ARID1B: variants seen among roughly 807,000 people sequenced by gnomAD.
ARID1B encodes the protein AT-rich interactive domain-containing protein 1B.
In ARID1B, 30 loss-of-function variants were observed where a neutral mutation model predicts 212.3. The ratio of observed to expected loss-of-function variants is 0.14; its 90% CI spans 0.11 to 0.19. The LOEUF is 0.19. Ranked by LOEUF, ARID1B falls within the 10% of genes least tolerant of loss-of-function variation. ARID1B has a pLI of 1.00. For missense variants in ARID1B, 2,891 were observed against 3,204.0 expected (o/e 0.90, Z 2.36); for synonymous variants, 1,402 against 1,301.7 (o/e 1.08, Z -1.66).
At chr6:157,176,999 C>T (rs973886407) in intron 11 of ARID1B, among the ~76,000 whole-genome samples, 2 of 152,194 alleles carry the variant, frequency 1.3e-5, no homozygotes, top group African/African-American at 4.8e-5. Flanking sequence ...TTAAGATTAT[C>T]TCCATCCACT....
intron 2 of ARID1B, among the ~76,000 whole-genome samples, chr6:156,841,291 G>A (rs1457792013): frequency 2.0e-5 from 3 of 150,956 alleles, no homozygotes; most frequent in Admixed American, 6.6e-5. Context: ...ACACTGCATC[G>A]TAGCCCATTT....
chr6:156,787,639 A>T (rs1779735539), intron 1 of ARID1B, among the ~76,000 whole-genome samples: 1 of 152,154 alleles, frequency 6.6e-6, no homozygotes, highest in Admixed American at 6.5e-5. Context: ...ACTCTAACTA[A>T]TGAATTATAA....
chr6:157,119,103 C>T (rs931818296), intron 6 of ARID1B, among the ~76,000 whole-genome samples: 10 of 152,254 alleles, frequency 6.6e-5, no homozygotes, highest in South Asian at 2.1e-4. Flanking sequence ...ATCCTTGATG[C>T]GTTTTTCTCC....
intron 4 of ARID1B, among the ~76,000 whole-genome samples, chr6:157,067,098 A>C (rs1562591104): frequency 6.6e-6 from 1 of 152,146 alleles, no homozygotes; most frequent in Non-Finnish European, 1.5e-5. Context: ...ATTTATTCTC[A>C]CTGTTTGCCA....
intron 11 of ARID1B, among the ~76,000 whole-genome samples, chr6:157,178,375 G>A (rs1792257352): frequency 6.6e-6 from 1 of 152,312 alleles, no homozygotes; most frequent in South Asian, 2.1e-4. Context: ...TTAGGATCTA[G>A]TCGGAAAAGT....
At chr6:156,969,968 A>C (rs770067252) in intron 4 of ARID1B, among the ~76,000 whole-genome samples, 1 of 150,104 alleles carries the variant, frequency 6.7e-6, no homozygotes, top group African/African-American at 2.4e-5. Context: ...CTTGAAAATT[A>C]ATGTTTACCT....
At position 157,207,113 on chromosome 6, in the gene ARID1B, C is replaced by T. The variant is rs763660892; in HGVS notation, c.6341C>T (p.Ala2114Val). 1.9e-6 allele frequency: 3 copies of T among 1,614,204 alleles called. No homozygotes were observed. The highest frequency in any genetic ancestry group is 2.2e-5 in the South Asian group (2 of 91,086). Reference sequence around the variant, plus strand: ...CACGAGCATCCAGAGAGAAAGCGAGCACCGCAGACCTATGAGAAAGAGGAG... The same window carrying T: ...CACGAGCATCCAGAGAGAAAGCGAGTACCGCAGACCTATGAGAAAGAGGAG... ...LHHEHPERKRAPQTYEKEEDE... is the reference protein window; with the variant it reads ...LHHEHPERKRVPQTYEKEEDE... The change falls in exon 20 of 20, where the codon GCA becomes GTA. Residue 2114 changes from alanine to valine, a missense_variant. Coordinates refer to ENST00000636930, the MANE Select transcript of ARID1B (RefSeq NM_001374828.1). The surrounding 1 kb of genome is among the most constrained non-coding windows in gnomAD (Gnocchi z 8.5).
At chr6:157,095,858 A>AG (rs1785585118) in intron 5 of ARID1B, among the ~76,000 whole-genome samples, 1 of 151,602 alleles carries the variant, frequency 6.6e-6, no homozygotes, top group African/African-American at 2.4e-5. Context: ...AAGGCAAAAA[A>AG]AAGTATCACA....
intron 1 of ARID1B, among the ~76,000 whole-genome samples, chr6:156,808,755 ATTTG>A (rs1464375379): frequency 2.0e-5 from 3 of 152,146 alleles, no homozygotes; most frequent in Non-Finnish European, 4.4e-5. Context: ...CACATTCTTT[ATTTG>A]TTCATTTGGT....
At chr6:156,923,830 C>T (rs760322383) in intron 3 of ARID1B, among the ~76,000 whole-genome samples, 1 of 151,922 alleles carries the variant, frequency 6.6e-6, no homozygotes, top group African/African-American at 2.4e-5. Flanking sequence ...GCCTCAGCCT[C>T]CCAAGTAGCT....
At chr6:157,055,116 C>A (rs1782866427) in intron 4 of ARID1B, among the ~76,000 whole-genome samples, 1 of 152,226 alleles carries the variant, frequency 6.6e-6, no homozygotes, top group African/African-American at 2.4e-5. Flanking sequence ...CCAGCAGATA[C>A]CTCAGGTGGA....
chr6:157,160,618 T>C (rs993541388), intron 8 of ARID1B, among the ~76,000 whole-genome samples: 5 of 152,224 alleles, frequency 3.3e-5, no homozygotes, highest in African/African-American at 1.2e-4. Flanking sequence ...AAACATATTT[T>C]AATGCCATTG....
At chr6:156,912,331 C>T (rs1253693930) in intron 3 of ARID1B, among the ~76,000 whole-genome samples, 1 of 148,870 alleles carries the variant, frequency 6.7e-6, no homozygotes, top group Non-Finnish European at 1.5e-5. Context: ...AACTAAAATT[C>T]CAAGCCCATC....
intron 17 of ARID1B, among the ~76,000 whole-genome samples, chr6:157,199,221 A>G (rs1341016768): frequency 6.6e-6 from 1 of 152,244 alleles, no homozygotes; most frequent in East Asian, 1.9e-4. Flanking sequence ...TATTGTGCAT[A>G]CTGTTGTATC....
intron 6 of ARID1B, among the ~76,000 whole-genome samples, chr6:157,120,419 C>T (rs1190262816): frequency 6.6e-6 from 1 of 152,156 alleles, no homozygotes; most frequent in African/African-American, 2.4e-5. Context: ...GTCGTTTTGC[C>T]AGTTAACCTA....
rs930692827 is a variant in ARID1B at position 156,955,945 on chromosome 6, G to C, written c.2247+20369G>C. ...CTGTTCTATTTCCTCACCTTCCTGT[G>C]TTCATCTGTGTATCTGCCAAGTGCC... On this transcript the variant is annotated intron_variant, in intron 4 of 19. Coordinates refer to ENST00000636930, the MANE Select transcript of ARID1B (RefSeq NM_001374828.1). This position sits in a 1 kb window ranked among gnomAD's most constrained non-coding sequence, Gnocchi z 4.2. Among the ~76,000 whole-genome samples, 1 of 152,184 alleles carries C rather than the reference G, an allele frequency of 6.6e-6. No individual in the cohort carries two copies. Among genetic ancestry groups the C allele is most frequent in the Non-Finnish European group, 1.5e-5 (1 of 68,038 alleles).
intron 1 of ARID1B, among the ~76,000 whole-genome samples, chr6:156,795,673 C>T (rs1780316681): frequency 6.6e-6 from 1 of 152,098 alleles, no homozygotes; most frequent in African/African-American, 2.4e-5. Flanking sequence ...GGAAAGCACT[C>T]AGCGGACACC....
At chr6:156,901,333 C>A (rs368639134) in intron 2 of ARID1B, 43 bp from the exon 3 acceptor site, 6 of 1,612,052 alleles carry the variant, frequency 3.7e-6, no homozygotes, top group Admixed American at 1.7e-5. Context: ...CATTTAATTG[C>A]ACATTTTGAC....
rs1454442734 is a variant in ARID1B at position 157,099,925 on chromosome 6, A to G, written c.2492-10547A>G. Among the ~76,000 whole-genome samples the G allele has an allele frequency of 2.6e-5, 4 of 152,210 alleles. No individual in the cohort carries two copies. The East Asian group carries it at 7.7e-4, about 29-fold the overall frequency. ...TTCATGGCTCGGGAGTATCCAAGTC[A>G]GATAGCCTCTGAAGTGCCCATTTAT... On this transcript the variant is annotated intron_variant, in intron 5 of 19. Transcript: ENST00000636930.
Sources: gnomAD v4.1 joint callset for allele counts (sites outside exome capture counted in the v4.1 genomes callset) on GRCh38, gnomAD v4.1.1 for gene constraint, Gnocchi (gnomAD v3.1) non-coding constraint, MANE v1.5 for transcripts, NCBI Gene and HGNC (gene_info 2026-07-23, HGNC 2026-07-21) for gene names.